The following S100Z variants were observed in gnomAD, a reference collection of about 807,000 sequenced individuals.
S100Z encodes the protein S100 calcium binding protein Z.
Under a neutral mutation model 8.5 loss-of-function variants are expected in S100Z, and 11 were observed. The observed-to-expected ratio is 1.30, with a 90% CI of 0.82 to 2.15. The LOEUF is 2.15. Among genes scored for constraint, S100Z ranks in the 30% most tolerant of loss-of-function variants. S100Z has a pLI of 0.00. For missense variants in S100Z, 126 were observed against 117.9 expected (o/e 1.07, Z -0.32); for synonymous variants, 34 against 43.8 (o/e 0.78, Z 0.89).
At chr5:76,918,468 A>T (rs1744928009) in intron 4 of S100Z, among the ~76,000 whole-genome samples, 1 of 152,180 alleles carries the variant, frequency 6.6e-6, no homozygotes, top group African/African-American at 2.4e-5. Flanking sequence ...TGGCCTCCCA[A>T]AGTGCTGGGA....
At chr5:76,949,038 T>G in the S100Z span, among the ~76,000 whole-genome samples, 14 of 152,136 alleles carry the variant, frequency 9.2e-5, no homozygotes, top group East Asian at 3.8e-4. Flanking sequence ...ACAACAAACC[T>G]CCATGACACA....
At chr5:76,924,903 ACT>A (rs1356819615), downstream of S100Z, among the ~76,000 whole-genome samples, 9 of 117,426 alleles carry the variant, frequency 7.7e-5, no homozygotes, top group African/African-American at 3.5e-4. Context: ...ACAGAGCGAG[ACT>A]CTGTCTCAAA....
chr5:76,940,701 A>C, the S100Z span, among the ~76,000 whole-genome samples: 112,964 of 152,120 alleles, frequency 0.74, 42,563 homozygotes, highest in East Asian at 0.93. Context: ...GCGTGAGCCA[A>C]CATGCCCAGC....
intron 4 of S100Z, among the ~76,000 whole-genome samples, chr5:76,897,366 C>G (rs530760926): frequency 4.5e-4 from 68 of 151,892 alleles, no homozygotes; most frequent in African/African-American, 4.3e-4. Flanking sequence ...TGGTGTGAAC[C>G]CAGGAGGCGG....
At chr5:76,890,270 C>T (rs1718116298) in intron 4 of S100Z, among the ~76,000 whole-genome samples, 1 of 152,170 alleles carries the variant, frequency 6.6e-6, no homozygotes, top group Non-Finnish European at 1.5e-5. Context: ...GGAGTCCACC[C>T]ACCTTGGCCT....
chr5:76,875,488 G>A lies in S100Z; in HGVS notation c.129G>A (p.Thr43=), dbSNP rs772126992. 31 of 1,609,136 alleles carry A rather than the reference G, an allele frequency of 1.9e-5. No homozygotes were observed. In the South Asian group the frequency reaches 3.3e-4, roughly 17 times the overall value. The change falls in exon 3 of 5, where the codon ACG becomes ACA. Residue 43 remains threonine (T), a synonymous_variant. Transcript: ENST00000317593. ...AACTGCTCCTGCAGCGAGAGCTCAC[G>A]GAATTCCTCTCGGTGAGTCAGGCCT... The part of the protein sequence containing the change: ...ELKLLLQREL[T]EFLSCQKETQ...
chr5:76,902,851 A>T (rs1232161331), intron 4 of S100Z, among the ~76,000 whole-genome samples: 1 of 152,194 alleles, frequency 6.6e-6, no homozygotes, highest in African/African-American at 2.4e-5. Context: ...TTTCACGAAG[A>T]TAATTTTTAA....
chr5:76,923,901 A>G (rs1307032448), downstream of S100Z, among the ~76,000 whole-genome samples: 1 of 152,176 alleles, frequency 6.6e-6, no homozygotes, highest in East Asian at 1.9e-4. Context: ...AGAAGCAGCC[A>G]CAAGGCCTCT....
At chr5:76,928,913 A>G in the S100Z span, among the ~76,000 whole-genome samples, 1 of 152,152 alleles carries the variant, frequency 6.6e-6, no homozygotes, top group African/African-American at 2.4e-5. Flanking sequence ...CTAATTTTTA[A>G]ACATTTTTCG....
intron 2 of S100Z, among the ~76,000 whole-genome samples, chr5:76,874,197 CTT>C (rs368434034): frequency 4.0e-4 from 55 of 138,824 alleles, no homozygotes; most frequent in African/African-American, 1.3e-3. Flanking sequence ...AGCACTTCCT[CTT>C]TTTTTTTTTT....
rs542619242 is a variant in S100Z, at chr5:76,865,887, T to C, written c.-175-4279T>C. 1.5e-4 allele frequency among the ~76,000 whole-genome samples: 22 copies of C among 150,352 alleles called. No individual in the cohort carries two copies. The South Asian group carries it at 4.6e-3, about 32-fold the overall frequency. On this transcript the variant is annotated intron_variant, in intron 1 of 4. Transcript: ENST00000317593. ...AAAATTAGCCAGGTGTGGTGGCGGG[T>C]GCCTGTAATCCCAGCTACTCAGGAG...
intron 4 of S100Z, among the ~76,000 whole-genome samples, chr5:76,885,087 C>G (rs1385911482): frequency 6.6e-6 from 1 of 152,148 alleles, no homozygotes. Flanking sequence ...CATTTAGAAC[C>G]ATTGTCGAGC....
At chr5:76,914,419 G>C (rs1207405143) in intron 4 of S100Z, among the ~76,000 whole-genome samples, 1 of 150,742 alleles carries the variant, frequency 6.6e-6, no homozygotes, top group Non-Finnish European at 1.5e-5. Context: ...TCAGCTCTCT[G>C]TAAAATGGAC....
rs978866187 is a variant in S100Z at position 76,852,059 on chromosome 5, T to A, written c.-176+1904T>A. Among the ~76,000 whole-genome samples, 90 of 145,372 alleles carry A rather than the reference T, an allele frequency of 6.2e-4. 1 individual carries two copies. The highest frequency in any genetic ancestry group is 1.7e-3 in the African/African-American group (68 of 40,334). Reference sequence around the variant, plus strand: ...AATTAAAATTTCTCACTTTTTCTTTTAAAAAAAAAAAAAGTGAAGTTCTGG... The same window carrying A: ...AATTAAAATTTCTCACTTTTTCTTTAAAAAAAAAAAAAAGTGAAGTTCTGG... On this transcript the variant is annotated intron_variant, in intron 1 of 4. Coordinates refer to ENST00000317593, the MANE Select transcript of S100Z (RefSeq NM_130772.4).
intron 1 of S100Z, among the ~76,000 whole-genome samples, chr5:76,851,528 A>G: frequency 6.6e-6 from 1 of 152,172 alleles, no homozygotes; most frequent in East Asian, 1.9e-4. Context: ...GAGAGGGGCC[A>G]GGAATAGCAT....
Position 76,864,382 on chromosome 5 carries a change from C to CTA in S100Z, c.-175-5780_-175-5779dup, listed in dbSNP as rs1259617521. ...CAGCTATGTTACTGCTTAATGCATACTATATTTTTTTTTTTTTTTTTTTTT... is the reference window on the plus strand; with the variant it reads ...CAGCTATGTTACTGCTTAATGCATACTATATATTTTTTTTTTTTTTTTTTTTT... On this transcript the variant is annotated intron_variant, in intron 1 of 4. Coordinates refer to ENST00000317593, the MANE Select transcript of S100Z (RefSeq NM_130772.4). 1.2e-3 allele frequency among the ~76,000 whole-genome samples: 156 copies of CTA among 127,742 alleles called. 1 individual carries two copies. The South Asian group carries it at 0.014, about 12-fold the overall frequency. 83.8% of individuals were successfully genotyped at this position (127,742 alleles called of 152,430 possible). A position where few individuals can be genotyped will look rare whatever the true frequency, so the allele number is the denominator to read the frequency against.
At chr5:76,857,869 G>T (rs1409701792) in intron 1 of S100Z, among the ~76,000 whole-genome samples, 3 of 152,110 alleles carry the variant, frequency 2.0e-5, no homozygotes. Flanking sequence ...GTTTTTAGAA[G>T]TAATTAATAA....
At chr5:76,952,758 G>C in the S100Z span, 1 of 214,178 alleles carries the variant, frequency 4.7e-6, no homozygotes, top group Admixed American at 5.1e-5. Flanking sequence ...CCACAGAAAA[G>C]TATAATGTAG....
chr5:76,869,139 T>A (rs1418618382), intron 1 of S100Z, among the ~76,000 whole-genome samples: 1 of 152,222 alleles, frequency 6.6e-6, no homozygotes, highest in Admixed American at 6.5e-5. Flanking sequence ...CACTTCCATA[T>A]GCCTGTCCCT....
Sources: gnomAD v4.1 joint callset for allele counts (sites outside exome capture counted in the v4.1 genomes callset) on GRCh38, gnomAD v4.1.1 for gene constraint, MANE v1.5 for transcripts, NCBI Gene and HGNC (gene_info 2026-07-23, HGNC 2026-07-21) for gene names.